Variants in COMMD8 observed in about 807,000 individuals in gnomAD.
COMMD8 encodes COMM domain-containing protein 8.
Under a neutral mutation model 27.2 loss-of-function variants are expected in COMMD8, and 28 were observed. That is an observed-to-expected ratio of 1.03 (90% CI 0.76 to 1.41). The LOEUF is 1.41. Ranked by LOEUF, COMMD8 falls within the 40% of genes most tolerant of loss-of-function variation. The pLI, the probability that COMMD8 is intolerant of heterozygous loss-of-function variation, is 0.00. For missense variants in COMMD8, 217 were observed against 211.2 expected, an observed-to-expected ratio of 1.03 and a Z score of -0.17; for synonymous variants, 79 against 75.5, an observed-to-expected ratio of 1.05 and a Z score of -0.24.
In COMMD8 at chr4:47,456,695, T is replaced by G. The variant is rs1313945806; in HGVS notation, c.257A>C (p.His86Pro). The change falls in exon 3 of 5, where the codon CAT (histidine) becomes CCT (proline). Residue 86 changes from histidine to proline, a missense_variant. His to Pro is a moderately conservative substitution (Grantham distance 77). Coordinates refer to ENST00000381571, the MANE Select transcript of COMMD8 (RefSeq NM_017845.5). Reference protein sequence around the residue: ...FQQLNQLNSLHQETIMKCVKS... With the variant: ...FQQLNQLNSLPQETIMKCVKS... ...CACGCATTTCATGATAGTTTCTTGA[T>G]GAAGTGAATTCAACTGATTCAACTG... The G allele has an allele frequency of 6.2e-7, 1 of 1,606,528 alleles. No homozygotes were observed. Among genetic ancestry groups the G allele is most frequent in the Non-Finnish European group, 8.5e-7 (1 of 1,177,444 alleles).
At chr4:47,460,043 G>T in intron 2 of COMMD8, 101 bp downstream of exon 2, 1 of 890,332 alleles carries the variant, frequency 1.1e-6, no homozygotes, top group Non-Finnish European at 1.7e-6. Context: ...GGTATTTGTT[G>T]TTACTGATGA....
chr4:47,456,973 C>T (rs1057439272), intron 2 of COMMD8, among the ~76,000 whole-genome samples: 1 of 152,126 alleles, frequency 6.6e-6, no homozygotes, highest in African/African-American at 2.4e-5. Context: ...ACCTGGAAAA[C>T]ACCAAAGCTG....
At chr4:47,453,239 AT>A (rs751352736) in intron 3 of COMMD8, 25 bp from the exon 4 acceptor site, 1 of 1,598,178 alleles carries the variant, frequency 6.3e-7, no homozygotes, top group South Asian at 1.1e-5. Flanking sequence ...AAAAATAGCA[AT>A]TAATAAATAG....
chr4:47,456,108 A>T (rs950938005), intron 3 of COMMD8, among the ~76,000 whole-genome samples: 1 of 151,850 alleles, frequency 6.6e-6, no homozygotes, highest in Admixed American at 6.6e-5. Flanking sequence ...TTAGCCGGGC[A>T]TGGGGGCACA....
At position 47,456,267 on chromosome 4, in the gene COMMD8, CATATATATATATATAT is replaced by C. The variant is rs34279197; in HGVS notation, c.375+294_375+309del. ...TGTCTCAAAAAATAAATAAATTATACATATATATATATATATATATATATATATATATATGTATATG... is the reference window on the plus strand; with the variant it reads ...TGTCTCAAAAAATAAATAAATTATACATATATATATATATATATGTATATG... On this transcript the variant is annotated intron_variant, in intron 3 of 4. Transcript: ENST00000381571. Among the ~76,000 whole-genome samples the C allele has an allele frequency of 2.3e-3, 274 of 119,012 alleles. 1 individual carries two copies. The highest frequency in any genetic ancestry group is 4.4e-3 in the Middle Eastern group (1 of 226). 78.1% of individuals were successfully genotyped at this position (119,012 alleles called of 152,430 possible).
chr4:47,452,366 A>C (rs1226954536), intron 4 of COMMD8, among the ~76,000 whole-genome samples: 1 of 152,208 alleles, frequency 6.6e-6, no homozygotes. Flanking sequence ...TTCTATTATT[A>C]GTCCAGTTAA....
intron 1 of COMMD8, among the ~76,000 whole-genome samples, chr4:47,461,054 AT>A (rs1353330474): frequency 3.3e-5 from 5 of 152,136 alleles, no homozygotes; most frequent in Admixed American, 2.0e-4. Flanking sequence ...GATATCATCT[AT>A]TCTCTTAATC....
rs1028757279 is a variant in COMMD8 at position 47,463,593 on chromosome 4, C to T, written c.59G>A (p.Gly20Asp). The change falls in exon 1 of 5, where the codon GGC becomes GAC. Residue 20 changes from glycine (G) to aspartate (D), a missense_variant. By Grantham distance (94) the Gly-to-Asp change is moderately conservative. Transcript: ENST00000381571. ...WRLQKLPAEL[G>D]PQLLHKIIDG... ...CCCGGTACCCGCCCTCACCTGCGGG[C>T]CCAGCTCGGCCGGCAGCTTCTGCAG... 1.1e-5 allele frequency: 17 copies of T among 1,545,598 alleles called. No homozygotes were observed.
chr4:47,461,629 TA>T (rs1248441096), intron 1 of COMMD8, among the ~76,000 whole-genome samples: 1 of 152,152 alleles, frequency 6.6e-6, no homozygotes, highest in Non-Finnish European at 1.5e-5. Context: ...AGTTATTAAA[TA>T]AAGTCATGGA....
rs541204363 is a variant in COMMD8 at position 47,453,818 on chromosome 4, C to G, written c.376-604G>C. Among the ~76,000 whole-genome samples, 103 of 152,298 alleles carry G rather than the reference C, an allele frequency of 6.8e-4. 2 individuals are homozygous for G. In the South Asian group the frequency reaches 0.02, roughly 30 times the overall value. On this transcript the variant is annotated intron_variant, in intron 3 of 4. Coordinates refer to ENST00000381571, the MANE Select transcript of COMMD8 (RefSeq NM_017845.5). ...ATACTTCTTGAAATGAGCACTGTAGCTTCCTTGGCAGACAGCATAGGGAAA... is the reference window on the plus strand; with the variant it reads ...ATACTTCTTGAAATGAGCACTGTAGGTTCCTTGGCAGACAGCATAGGGAAA...
In COMMD8 at chr4:47,450,932, T is replaced by C. The variant is rs1729735984; in HGVS notation, c.*713A>G. 1 of 152,272 alleles carries C rather than the reference T, an allele frequency of 6.6e-6. No homozygotes were observed. Among genetic ancestry groups the C allele is most frequent in the Non-Finnish European group, 1.5e-5 (1 of 68,068 alleles). The allele number at this position is 152,272 out of a possible 1,614,324, so 9.4% of individuals were successfully genotyped here. ...TACATAGTCTTATCTCATATTTGAA[T>C]ATACACACTGCATAATGACAGCTAT... On this transcript the variant is annotated 3_prime_UTR_variant, in exon 5 of 5. Coordinates refer to ENST00000381571, the MANE Select transcript of COMMD8 (RefSeq NM_017845.5).
In COMMD8 at chr4:47,451,467, C is replaced by T; in HGVS notation, c.*178G>A. On this transcript the variant is annotated 3_prime_UTR_variant, in exon 5 of 5. Coordinates refer to ENST00000381571, the MANE Select transcript of COMMD8 (RefSeq NM_017845.5). ...TTCATTTTATGCATTTCCTCTCAAC[C>T]ATGTAATTTCCTGTTAAGGAATGTT... 3.6e-6 allele frequency: 2 copies of T among 549,784 alleles called. No individual in the cohort carries two copies. The highest frequency in any genetic ancestry group is 3.6e-5 in the East Asian group (1 of 28,164). The allele number at this position is 549,784 out of a possible 1,614,324, so 34.1% of individuals were successfully genotyped here.
At chr4:47,463,535 G>A (rs768175476) in intron 1 of COMMD8, 51 bp downstream of exon 1, 6 of 1,506,204 alleles carry the variant, frequency 4.0e-6, no homozygotes, top group Non-Finnish European at 5.4e-6. Flanking sequence ...CGCACGCCGG[G>A]CTGTCGCGAA....
rs775366724 is a variant in COMMD8 at position 47,456,771 on chromosome 4, A to G, written c.223-42T>C. 2.7e-6 allele frequency: 4 copies of G among 1,473,816 alleles called. No homozygotes were observed. The South Asian group carries it at 5.2e-5, about 19-fold the overall frequency. 91.3% of individuals were successfully genotyped at this position (1,473,816 alleles called of 1,614,324 possible). ...AGGCAAAAGGGGCTTTCTGTTTAAA[A>G]TGTAAAAACACAATTCCACTCTCCT... On this transcript the variant is annotated intron_variant, in intron 2 of 4. Transcript: ENST00000381571.
chr4:47,459,129 G>C (rs774378190), intron 2 of COMMD8, among the ~76,000 whole-genome samples: 2 of 152,042 alleles, frequency 1.3e-5, no homozygotes, highest in Non-Finnish European at 2.9e-5. Flanking sequence ...GTATTAGCCA[G>C]CAAAAGAAAT....
chr4:47,452,059 G>GAATCACTGAGACTT (rs1307775289), intron 4 of COMMD8, among the ~76,000 whole-genome samples: 1 of 152,230 alleles, frequency 6.6e-6, no homozygotes, highest in Non-Finnish European at 1.5e-5. Context: ...GAGGTTGTAA[G>GAATCACTGAGACTT]AATCACTGAG....
chr4:47,463,654 C>A lies in COMMD8; in HGVS notation c.-3G>T. On this transcript the variant is annotated 5_prime_UTR_variant, in exon 1 of 5. In the 5' UTR this introduces an upstream ATG that the reference lacks. Coordinates refer to ENST00000381571, the MANE Select transcript of COMMD8 (RefSeq NM_017845.5). ...GGCGTCCCCTCTTCCGGCTCCATCCCTGCGCGAAGCTGGGGCTTGGGTCAC... is the reference window on the plus strand; with the variant it reads ...GGCGTCCCCTCTTCCGGCTCCATCCATGCGCGAAGCTGGGGCTTGGGTCAC... 6.5e-7 allele frequency: 1 copy of A among 1,548,222 alleles called. No individual in the cohort carries two copies. The highest frequency in any genetic ancestry group is 8.7e-7 in the Non-Finnish European group (1 of 1,145,748).
chr4:47,460,143 C>T lies in COMMD8; in HGVS notation c.222+1G>A. 1 of 1,611,670 alleles carries T rather than the reference C, an allele frequency of 6.2e-7. No individual in the cohort carries two copies. The highest frequency in any genetic ancestry group is 2.2e-5 in the East Asian group (1 of 44,760). On this transcript the variant is annotated splice_donor_variant, in intron 2 of 4. Transcript: ENST00000381571. LOFTEE classifies it high-confidence loss of function. Reference sequence around the variant, plus strand: ...GTTATAGAAATGTGCAGAGAAGTTACCTCTTCATCAGGTAAGTTTTTACCA... The same window carrying T: ...GTTATAGAAATGTGCAGAGAAGTTATCTCTTCATCAGGTAAGTTTTTACCA...
At chr4:47,459,200 A>G (rs1729960210) in intron 2 of COMMD8, among the ~76,000 whole-genome samples, 1 of 152,130 alleles carries the variant, frequency 6.6e-6, no homozygotes, top group African/African-American at 2.4e-5. Flanking sequence ...CCATTAAGAG[A>G]GTAAAAAGGC....
Sources: gnomAD v4.1 joint callset for allele counts (sites outside exome capture counted in the v4.1 genomes callset) on GRCh38, gnomAD v4.1.1 for gene constraint, MANE v1.5 for transcripts, NCBI Gene and HGNC (gene_info 2026-07-23, HGNC 2026-07-21) for gene names.